Variants in MSX2 observed in about 807,000 individuals in gnomAD.
MSX2 encodes the protein msh homeobox 2, also known as homeobox protein MSX-2.
A neutral mutation model predicts 18.4 loss-of-function variants in MSX2; 10 were observed. That is an observed-to-expected ratio of 0.54 (90% CI 0.34 to 0.92). The LOEUF (loss-of-function observed/expected upper bound fraction) is 0.92. Among genes scored for constraint, MSX2 ranks in the 40% least tolerant of loss-of-function variants. MSX2 has a pLI of 0.02. For synonymous variants in MSX2, 170 were observed against 165.6 expected, an observed-to-expected ratio of 1.03 and a Z score of -0.20; for missense variants, 339 against 364.0, an observed-to-expected ratio of 0.93 and a Z score of 0.56.
chr5:174,725,027 C>A lies in MSX2; in HGVS notation c.368C>A (p.Ser123Ter). 1 of 1,610,608 alleles carries A rather than the reference C, an allele frequency of 6.2e-7. No individual in the cohort carries two copies. Among genetic ancestry groups the A allele is most frequent in the Non-Finnish European group, 8.5e-7 (1 of 1,179,436 alleles). The stretch of plus-strand genomic sequence containing the variant: ...TGGATGCAGGAACCCGGCCGATATT[C>A]GCCGCCGCCAAGTGAGTGCGCGCCG... ...AAWMQEPGRY[S>*]PPPRHMSPTT... The change falls in exon 1 of 2, where the codon TCG becomes TAG. Residue 123 changes from serine (S) to a stop codon, truncating the protein, a stop_gained. Transcript: ENST00000239243. LOFTEE classifies it high-confidence loss of function.
chr5:174,729,724 A>C lies in MSX2; in HGVS notation c.*141A>C. Reference sequence around the variant, plus strand: ...CCTAAGCGGCTAGGCTGACAGGGCCACACGACATAGCTGAAATTTGTTCTG... The same window carrying C: ...CCTAAGCGGCTAGGCTGACAGGGCCCCACGACATAGCTGAAATTTGTTCTG... On this transcript the variant is annotated 3_prime_UTR_variant, in exon 2 of 2. Transcript: ENST00000239243. 1.2e-6 allele frequency: 1 copy of C among 835,822 alleles called. No homozygotes were observed. Among genetic ancestry groups the C allele is most frequent in the Non-Finnish European group, 2.0e-6 (1 of 510,298 alleles). 51.8% of individuals were successfully genotyped at this position (835,822 alleles called of 1,614,324 possible).
chr5:174,729,107 T>C (rs1561642856), intron 1 of MSX2, 52 bp from the exon 2 acceptor site: 4 of 1,577,480 alleles, frequency 2.5e-6, no homozygotes, highest in Non-Finnish European at 8.7e-7. Context: ...TTTTTTAGTA[T>C]TATTTTAATG....
rs1239799447 is a variant in MSX2 at position 174,724,857 on chromosome 5, G to C, written c.198G>C (p.Pro66=). 1 of 1,552,978 alleles carries C rather than the reference G, an allele frequency of 6.4e-7. No homozygotes were observed. Among genetic ancestry groups the C allele is most frequent in the Non-Finnish European group, 8.7e-7 (1 of 1,148,742 alleles). The change falls in exon 1 of 2, where the codon CCG becomes CCC. Residue 66 remains proline, a synonymous_variant. Transcript: ENST00000239243. ...KKPPKEASPL[P]AESASAGATL... is the part of the protein sequence containing the mutation. ...CGCCCAAGGAGGCGTCCCCGCTGCC[G>C]GCCGAAAGCGCCTCGGCCGGGGCCA...
intron 1 of MSX2, 134 bp downstream of exon 1, chr5:174,725,172 C>T: frequency 7.2e-7 from 1 of 1,386,514 alleles, no homozygotes; most frequent in East Asian, 2.5e-5. Flanking sequence ...CCCAGGGCCT[C>T]TGGACTCCTG....
Position 174,729,285 on chromosome 5 carries a change from T to C in MSX2, c.506T>C (p.Ile169Thr). ...RKFRQKQYLS[I>T]AERAEFSSSL... is the part of the protein sequence containing the mutation. Reference sequence around the variant, plus strand: ...TTCCGTCAGAAACAGTACCTCTCCATTGCAGAGCGTGCAGAGTTCTCCAGC... The same window carrying C: ...TTCCGTCAGAAACAGTACCTCTCCACTGCAGAGCGTGCAGAGTTCTCCAGC... The change falls in exon 2 of 2, where the codon ATT (isoleucine) becomes ACT (threonine). Residue 169 changes from isoleucine (I) to threonine (T), a missense_variant. This residue lies in a region of MSX2 where 128 missense variants were observed against 178.6 expected (regional missense o/e 0.72). Transcript: ENST00000239243. The C allele has an allele frequency of 1.9e-6, 3 of 1,614,104 alleles. No individual in the cohort carries two copies. Among genetic ancestry groups the C allele is most frequent in the Non-Finnish European group, 2.5e-6 (3 of 1,180,032 alleles).
chr5:174,727,935 A>G (rs1760838621), intron 1 of MSX2, among the ~76,000 whole-genome samples: 1 of 152,344 alleles, frequency 6.6e-6, no homozygotes, highest in East Asian at 1.9e-4. Context: ...CTGTGGCCAC[A>G]TTTGGAAAAT....
At chr5:174,726,353 A>C (rs927530142) in intron 1 of MSX2, among the ~76,000 whole-genome samples, 2 of 152,140 alleles carry the variant, frequency 1.3e-5, no homozygotes. Context: ...CCATATACCC[A>C]GGCGTCAGTG....
Position 174,724,654 on chromosome 5 carries a change from G to T in MSX2, c.-6G>T, listed in dbSNP as rs772580584. On this transcript the variant is annotated 5_prime_UTR_variant, in exon 1 of 2. Coordinates refer to ENST00000239243, the MANE Select transcript of MSX2 (RefSeq NM_002449.5). ...CGCGTCGGGAGCTACGTAGGGCAGA[G>T]AAGTCATGGCTTCTCCGTCCAAAGG... is the stretch of plus-strand genomic sequence containing the variant. 17 of 1,586,128 alleles carry T rather than the reference G, an allele frequency of 1.1e-5. No homozygotes were observed. Among genetic ancestry groups the T allele is most frequent in the Non-Finnish European group, 1.5e-5 (17 of 1,167,236 alleles).
chr5:174,727,622 G>A (rs1760832932), intron 1 of MSX2, among the ~76,000 whole-genome samples: 1 of 152,184 alleles, frequency 6.6e-6, no homozygotes, highest in Non-Finnish European at 1.5e-5. Flanking sequence ...TGGCTCCCCG[G>A]CTGTCTAGTA....
Position 174,729,269 on chromosome 5 carries a change from AAACAGTACCTC to A in MSX2, c.491_501del (p.Lys164IlefsTer77). The stretch of plus-strand genomic sequence containing the variant: ...CGCCCTGGAGCGCAAGTTCCGTCAG[AAACAGTACCTC>A]TCCATTGCAGAGCGTGCAGAGTTCT... On this transcript the variant is annotated frameshift_variant, in exon 2 of 2. Coordinates refer to ENST00000239243, the MANE Select transcript of MSX2 (RefSeq NM_002449.5). LOFTEE classifies it high-confidence loss of function. The A allele has an allele frequency of 6.2e-7, 1 of 1,614,188 alleles. No individual in the cohort carries two copies. The highest frequency in any genetic ancestry group is 8.5e-7 in the Non-Finnish European group (1 of 1,180,042).
chr5:174,724,928 A>G lies in MSX2; in HGVS notation c.269A>G (p.His90Arg), dbSNP rs1760747582. 6.3e-7 allele frequency: 1 copy of G among 1,582,042 alleles called. No homozygotes were observed. Among genetic ancestry groups the G allele is most frequent in the Non-Finnish European group, 8.6e-7 (1 of 1,166,546 alleles). ...LLSGHGAREAHSPGPLVKPFE... is the reference protein window; with the variant it reads ...LLSGHGAREARSPGPLVKPFE... The stretch of plus-strand genomic sequence containing the variant: ...TCGGGGCACGGCGCTCGGGAAGCGC[A>G]CAGCCCCGGGCCGCTGGTGAAGCCC... Residue 90 changes from histidine (H) to arginine (R), a missense_variant, in exon 1 of 2, where the codon CAC becomes CGC. Transcript: ENST00000239243.
chr5:174,725,122 C>A, intron 1 of MSX2, 84 bp downstream of exon 1: 1 of 1,544,750 alleles, frequency 6.5e-7, no homozygotes. Flanking sequence ...CTGAGGGTAC[C>A]GAGACCCTTC....
rs958292310 is a variant in MSX2 at position 174,729,982 on chromosome 5, T to C, written c.*399T>C. 2.6e-5 allele frequency: 4 copies of C among 152,194 alleles called. No homozygotes were observed. Among genetic ancestry groups the C allele is most frequent in the Non-Finnish European group, 5.9e-5 (4 of 68,052 alleles). The allele number at this position is 152,194 out of a possible 1,614,324, so 9.4% of individuals were successfully genotyped here. On this transcript the variant is annotated 3_prime_UTR_variant, in exon 2 of 2. Transcript: ENST00000239243. ...TCCCAAAAGACACTGTGTAAGTCCA[T>C]TTGTTGTATTTTCTTAAAGAGGGAG...
In MSX2 at chr5:174,724,937, G is replaced by C; in HGVS notation, c.278G>C (p.Gly93Ala). ...GHGAREAHSP[G>A]PLVKPFETAS... ...GGCGCTCGGGAAGCGCACAGCCCCG[G>C]GCCGCTGGTGAAGCCCTTCGAGACC... is the stretch of plus-strand genomic sequence containing the variant. Residue 93 changes from glycine to alanine, a missense_variant, in exon 1 of 2, where the codon GGG (glycine) becomes GCG (alanine). Physicochemically the swap from Gly to Ala is moderately conservative, Grantham distance 60. This residue lies in a region of MSX2 where 211 missense variants were observed against 185.4 expected (regional missense o/e 1.14). Transcript: ENST00000239243. 1 of 1,586,812 alleles carries C rather than the reference G, an allele frequency of 6.3e-7. No homozygotes were observed. The highest frequency in any genetic ancestry group is 1.1e-5 in the South Asian group (1 of 87,002).
intron 1 of MSX2, among the ~76,000 whole-genome samples, chr5:174,727,731 TATCTC>T (rs1428746070): frequency 6.6e-6 from 1 of 152,222 alleles, no homozygotes; most frequent in African/African-American, 2.4e-5. Context: ...CAAAGCCTCT[TATCTC>T]TTTTTGATTC....
At chr5:174,725,215 C>A in intron 1 of MSX2, 177 bp downstream of exon 1, 2 of 973,630 alleles carry the variant, frequency 2.1e-6, no homozygotes, top group Non-Finnish European at 2.9e-6. Context: ...CCCAGTGCGC[C>A]GTCCGCATCC....
intron 1 of MSX2, among the ~76,000 whole-genome samples, chr5:174,728,323 A>G (rs1748289868): frequency 6.6e-6 from 1 of 152,182 alleles, no homozygotes; most frequent in South Asian, 2.1e-4. Context: ...TCGTCTTAGT[A>G]AAGTTTATAT....
chr5:174,728,560 A>G (rs1760852823), intron 1 of MSX2, among the ~76,000 whole-genome samples: 1 of 152,252 alleles, frequency 6.6e-6, no homozygotes, highest in African/African-American at 2.4e-5. Context: ...GAGGAGACCA[A>G]GGGAAACAGC....
chr5:174,724,817 T>A lies in MSX2; in HGVS notation c.158T>A (p.Met53Lys). 1 of 1,551,752 alleles carries A rather than the reference T, an allele frequency of 6.4e-7. No homozygotes were observed. The change falls in exon 1 of 2, where the codon ATG becomes AAG. Residue 53 changes from methionine to lysine, a missense_variant. By Grantham distance (95) the Met-to-Lys change is moderately conservative. Coordinates refer to ENST00000239243, the MANE Select transcript of MSX2 (RefSeq NM_002449.5). ...CTGCCCTTCAGCGTGGAGGCGCTCA[T>A]GTCCGACAAGAAGCCGCCCAAGGAG... ...SSLPFSVEAL[M>K]SDKKPPKEAS...
Sources: allele counts gnomAD v4.1 joint callset (sites outside exome capture counted in the v4.1 genomes callset), GRCh38; gene constraint gnomAD v4.1.1; regional missense constraint gnomAD v4.1.1; transcripts MANE v1.5; gene names NCBI Gene and HGNC (gene_info 2026-07-23, HGNC 2026-07-21).